Variants in NSMCE2 observed in about 807,000 individuals in gnomAD.
NSMCE2 encodes the protein E3 SUMO-protein ligase NSE2.
Under a neutral mutation model 23.8 loss-of-function variants are expected in NSMCE2, and 24 were observed. The observed-to-expected ratio is 1.01, with a 90% CI of 0.73 to 1.42. The LOEUF is 1.42. Among genes scored for constraint, NSMCE2 ranks in the 40% most tolerant of loss-of-function variants. The probability of loss-of-function intolerance (pLI) is 0.00; values close to 1 mark genes in which losing one functional copy is unlikely to be tolerated. For missense variants in NSMCE2, 284 were observed against 296.5 expected (o/e 0.96, Z 0.31); for synonymous variants, 92 against 94.1 (o/e 0.98, Z 0.13).
At chr8:125,331,370 T>C (rs774902073) in intron 5 of NSMCE2, among the ~76,000 whole-genome samples, 14 of 152,362 alleles carry the variant, frequency 9.2e-5, no homozygotes, top group African/African-American at 1.9e-4. Context: ...AGTCATTAGA[T>C]GTCTGTGACT....
chr8:125,305,669 G>A (rs1014936919), intron 5 of NSMCE2, among the ~76,000 whole-genome samples: 2 of 152,162 alleles, frequency 1.3e-5, no homozygotes, highest in Non-Finnish European at 2.9e-5. Context: ...AGGCTAGAAG[G>A]GGGATGCCAA....
chr8:125,272,791 A>ACG lies in NSMCE2; in HGVS notation c.419-84428_419-84427insCG, dbSNP rs1491132511. On this transcript the variant is annotated intron_variant, in intron 5 of 7. Transcript: ENST00000287437. Reference sequence around the variant, plus strand: ...TACACACACACGTATATATATACACATGTGTATATATATACACACACGTAT... The same window carrying ACG: ...TACACACACACGTATATATATACACACGTGTGTATATATATACACACACGTAT... 7.8e-4 allele frequency among the ~76,000 whole-genome samples: 111 copies of ACG among 141,944 alleles called. 5 individuals are homozygous for ACG. Among genetic ancestry groups the ACG allele is most frequent in the Middle Eastern group, 7.4e-3 (2 of 272 alleles). 93.1% of individuals were successfully genotyped at this position (141,944 alleles called of 152,430 possible). A position where few individuals can be genotyped will look rare whatever the true frequency, so the allele number is the denominator to read the frequency against.
chr8:125,141,622 T>C (rs1434128014), intron 3 of NSMCE2, among the ~76,000 whole-genome samples: 1 of 152,192 alleles, frequency 6.6e-6, no homozygotes, highest in East Asian at 1.9e-4. Flanking sequence ...GAAGATTTGT[T>C]CTGTTTTAAA....
chr8:125,111,552 CACTTTGG>C (rs1818747226), intron 3 of NSMCE2, among the ~76,000 whole-genome samples: 1 of 152,200 alleles, frequency 6.6e-6, no homozygotes, highest in Non-Finnish European at 1.5e-5. Context: ...ATAATCCCAG[CACTTTGG>C]GAGGCCGAGG....
intron 5 of NSMCE2, among the ~76,000 whole-genome samples, chr8:125,314,767 A>G (rs560708131): frequency 3.7e-4 from 56 of 152,078 alleles, no homozygotes; most frequent in Non-Finnish European, 5.7e-4. Context: ...ATCTCTTTTC[A>G]TTCATTCATT....
rs574472777 is a variant in NSMCE2, at chr8:125,177,304, A to T, written c.265-4799A>T. On this transcript the variant is annotated intron_variant, in intron 4 of 7. Transcript: ENST00000287437. ...GTTGAAGAATTTCAACCCAGAGTGGATTCAGATCTGTCTGATCCCGAGCTC... is the reference window on the plus strand; with the variant it reads ...GTTGAAGAATTTCAACCCAGAGTGGTTTCAGATCTGTCTGATCCCGAGCTC... 7.9e-5 allele frequency among the ~76,000 whole-genome samples: 12 copies of T among 152,304 alleles called. No homozygotes were observed. In the East Asian group the frequency reaches 1.7e-3, roughly 22 times the overall value.
At chr8:125,214,491 T>C (rs989878045) in intron 5 of NSMCE2, among the ~76,000 whole-genome samples, 3 of 152,146 alleles carry the variant, frequency 2.0e-5, no homozygotes, top group African/African-American at 7.2e-5. Flanking sequence ...GCGGGGTCAG[T>C]ACAGGACCCT....
intron 3 of NSMCE2, among the ~76,000 whole-genome samples, chr8:125,119,501 G>A (rs376905384): frequency 1.3e-4 from 20 of 152,260 alleles, no homozygotes; most frequent in African/African-American, 4.8e-4. Context: ...GGTTTCAGTG[G>A]CCTAACAGGG....
At chr8:125,140,026 A>C (rs886670335) in intron 3 of NSMCE2, among the ~76,000 whole-genome samples, 2 of 152,176 alleles carry the variant, frequency 1.3e-5, no homozygotes, top group South Asian at 2.1e-4. Context: ...TACACATGGA[A>C]TATTTGCATG....
chr8:125,154,450 A>G (rs1011183836), intron 4 of NSMCE2, among the ~76,000 whole-genome samples: 2 of 150,950 alleles, frequency 1.3e-5, no homozygotes, highest in Admixed American at 1.3e-4. Flanking sequence ...CAGGGCTACT[A>G]TACTCCACAG....
chr8:125,142,176 T>A (rs1344563208), intron 3 of NSMCE2, among the ~76,000 whole-genome samples: 1 of 152,186 alleles, frequency 6.6e-6, no homozygotes. Context: ...TTGTTAGTGC[T>A]TACTGTGAGC....
chr8:125,238,605 C>T (rs1265315998), intron 5 of NSMCE2, among the ~76,000 whole-genome samples: 1 of 152,140 alleles, frequency 6.6e-6, no homozygotes, highest in Non-Finnish European at 1.5e-5. Context: ...CTCCCCCTTT[C>T]CCACCAGCTT....
At chr8:125,314,897 A>C (rs748529315) in intron 5 of NSMCE2, among the ~76,000 whole-genome samples, 4 of 152,214 alleles carry the variant, frequency 2.6e-5, no homozygotes, top group Admixed American at 1.3e-4. Context: ...CAGAGAAGTA[A>C]ACAAAGCGAG....
intron 5 of NSMCE2, among the ~76,000 whole-genome samples, chr8:125,195,544 C>A (rs531545208): frequency 6.6e-6 from 1 of 152,136 alleles, no homozygotes; most frequent in Non-Finnish European, 1.5e-5. Context: ...AAATGAACTT[C>A]ATTTACCCAT....
At chr8:125,247,537 C>G (rs990895488) in intron 5 of NSMCE2, among the ~76,000 whole-genome samples, 2 of 152,074 alleles carry the variant, frequency 1.3e-5, no homozygotes, top group African/African-American at 4.8e-5. Context: ...CCAGCCTGGC[C>G]AACACGGTGA....
intron 5 of NSMCE2, among the ~76,000 whole-genome samples, chr8:125,187,470 TTTCTC>T (rs1438754458): frequency 2.6e-5 from 4 of 152,204 alleles, no homozygotes; most frequent in Non-Finnish European, 5.9e-5. Context: ...TATGGATAAT[TTTCTC>T]TTCTCCTTGC....
At chr8:125,270,520 A>C (rs893733499) in intron 5 of NSMCE2, 1 of 152,240 alleles carries the variant, frequency 6.6e-6, no homozygotes, top group Non-Finnish European at 1.5e-5. Flanking sequence ...CCTGAAGGCA[A>C]TGGCATGTGT....
chr8:125,211,242 G>A (rs1056516288), intron 5 of NSMCE2, among the ~76,000 whole-genome samples: 1 of 152,108 alleles, frequency 6.6e-6, no homozygotes, highest in Non-Finnish European at 1.5e-5. Flanking sequence ...AAGTGCAAAA[G>A]ACTATGGTGA....
Position 125,182,490 on chromosome 8 carries a change from C to G in NSMCE2, c.418+234C>G, listed in dbSNP as rs73349809. 365 of 554,078 alleles carry G rather than the reference C, an allele frequency of 6.6e-4. 1 individual carries two copies. In the African/African-American group the frequency reaches 6.8e-3, roughly 10 times the overall value. 34.3% of individuals were successfully genotyped at this position (554,078 alleles called of 1,614,324 possible). On this transcript the variant is annotated intron_variant, in intron 5 of 7. Transcript: ENST00000287437. Reference sequence around the variant, plus strand: ...ACAAAGTGCTCAGAAAATTTCCCAGCAGCTAGTTATGTGTATTGTCCCATT... The same window carrying G: ...ACAAAGTGCTCAGAAAATTTCCCAGGAGCTAGTTATGTGTATTGTCCCATT...
Sources: gnomAD v4.1 joint callset for allele counts (sites outside exome capture counted in the v4.1 genomes callset) on GRCh38, gnomAD v4.1.1 for gene constraint, MANE v1.5 for transcripts, NCBI Gene and HGNC (gene_info 2026-07-23, HGNC 2026-07-21) for gene names.